Variants in ARHGAP29 observed in about 807,000 individuals in gnomAD.
ARHGAP29 encodes Rho GTPase activating protein 29.
A neutral mutation model predicts 122.6 loss-of-function variants in ARHGAP29; 43 were observed. That is an observed-to-expected ratio of 0.35 (90% CI 0.27 to 0.45). The LOEUF (loss-of-function observed/expected upper bound fraction) is 0.45. Ranked by LOEUF, ARHGAP29 falls within the 20% of genes least tolerant of loss-of-function variation. The probability of loss-of-function intolerance (pLI) is 1.00; values close to 1 mark genes in which losing one functional copy is unlikely to be tolerated. For synonymous variants in ARHGAP29, 506 were observed against 497.1 expected (o/e 1.02, Z -0.24); for missense variants, 1,303 against 1,477.2 (o/e 0.88, Z 1.93).
At chr1:94,177,796 C>T in intron 21 of ARHGAP29, 56 bp downstream of exon 21, 1 of 1,551,572 alleles carries the variant, frequency 6.4e-7, no homozygotes, top group Non-Finnish European at 8.7e-7. Flanking sequence ...AGATCTTTAA[C>T]TTATTAACAT....
chr1:94,215,679 GA>G (rs753882272), intron 3 of ARHGAP29, among the ~76,000 whole-genome samples: 4 of 151,986 alleles, frequency 2.6e-5, no homozygotes, highest in South Asian at 4.1e-4. Flanking sequence ...AAACATTCAA[GA>G]ATTCTATTAT....
intron 2 of ARHGAP29, among the ~76,000 whole-genome samples, chr1:94,221,919 A>C (rs575035377): frequency 6.6e-6 from 1 of 151,754 alleles, no homozygotes; most frequent in Admixed American, 6.6e-5. Flanking sequence ...CTGGGGCAGA[A>C]ATCTTCAAGA....
chr1:94,188,925 T>A lies in ARHGAP29; in HGVS notation c.1593A>T (p.Arg531Ser). 6.2e-7 allele frequency: 1 copy of A among 1,613,014 alleles called. No homozygotes were observed. Among genetic ancestry groups the A allele is most frequent in the Non-Finnish European group, 8.5e-7 (1 of 1,179,238 alleles). Reference protein sequence around the residue: ...SADITGPSFIRSWTFGMFSDS... With the variant: ...SADITGPSFISSWTFGMFSDS... ...CACTAAACATCCCAAATGTCCATGA[T>A]CTTATAAAGGAAGGACCTTTAATAA... Residue 531 changes from arginine to serine, a missense_variant, in exon 15 of 23, where the codon AGA becomes AGT. This residue lies in a region of ARHGAP29 where 592 missense variants were observed against 648.2 expected (regional missense o/e 0.91). Coordinates refer to ENST00000260526, the MANE Select transcript of ARHGAP29 (RefSeq NM_004815.4).
rs1392811941 is a variant in ARHGAP29, at chr1:94,234,601, CCTAT to C, written c.-33+2810_-33+2813del. The stretch of plus-strand genomic sequence containing the variant: ...CTTCTACATTTAAACTAGTTTCAAA[CCTAT>C]CTAACATTAATCCTTATATGCATAC... On this transcript the variant is annotated intron_variant, in intron 1 of 22. Coordinates refer to ENST00000260526, the MANE Select transcript of ARHGAP29 (RefSeq NM_004815.4). 5.3e-5 allele frequency among the ~76,000 whole-genome samples: 8 copies of C among 152,256 alleles called. 1 individual carries two copies. The highest frequency in any genetic ancestry group is 5.2e-4 in the Admixed American group (8 of 15,300).
At position 94,184,864 on chromosome 1, in the gene ARHGAP29, T is replaced by C. The variant is rs774274355; in HGVS notation, c.2109+8A>G. On this transcript the variant is annotated splice_region_variant and intron_variant, in intron 18 of 22. Coordinates refer to ENST00000260526, the MANE Select transcript of ARHGAP29 (RefSeq NM_004815.4). Reference sequence around the variant, plus strand: ...ATGCTTTTTAAAATTTTAAGAGTTATAATGTACCTGTAGACACAAAGCTCT... The same window carrying C: ...ATGCTTTTTAAAATTTTAAGAGTTACAATGTACCTGTAGACACAAAGCTCT... The C allele has an allele frequency of 5.3e-5, 83 of 1,563,014 alleles. No homozygotes were observed. Among genetic ancestry groups the C allele is most frequent in the Non-Finnish European group, 6.9e-5 (80 of 1,158,902 alleles).
At chr1:94,225,715 A>G (rs1652576949) in intron 2 of ARHGAP29, among the ~76,000 whole-genome samples, 1 of 152,110 alleles carries the variant, frequency 6.6e-6, no homozygotes, top group South Asian at 2.1e-4. Context: ...AACTAAATAC[A>G]AGATAATTTT....
intron 12 of ARHGAP29, chr1:94,192,308 A>G (rs1650176105): frequency 6.6e-6 from 1 of 152,198 alleles, no homozygotes; most frequent in Non-Finnish European, 1.5e-5. Flanking sequence ...ATCCAGTGAT[A>G]GGTCTACTCC....
chr1:94,179,884 T>C lies in ARHGAP29; in HGVS notation c.2321A>G (p.Asn774Ser). 2 of 1,613,272 alleles carry C rather than the reference T, an allele frequency of 1.2e-6. No individual in the cohort carries two copies. Among genetic ancestry groups the C allele is most frequent in the East Asian group, 2.2e-5 (1 of 44,726 alleles). ...ATTCTTTTTTGTCTCTTGTTCTTCA[T>C]TTACATGTTGGATCTCTTTTGCAAG... is the stretch of plus-strand genomic sequence containing the variant. ...IDLAKEIQHV[N>S]EEQETKKNSL... is the part of the protein sequence containing the mutation. The change falls in exon 20 of 23, where the codon AAT becomes AGT. Residue 774 changes from asparagine (N) to serine (S), a missense_variant. Physicochemically the swap from Asn to Ser is conservative, Grantham distance 46 (BLOSUM62 1). Coordinates refer to ENST00000260526, the MANE Select transcript of ARHGAP29 (RefSeq NM_004815.4).
At chr1:94,255,232 A>T (rs1654291380) in intron 1 of ARHGAP29, among the ~76,000 whole-genome samples, 1 of 152,196 alleles carries the variant, frequency 6.6e-6, no homozygotes, top group Non-Finnish European at 1.5e-5. Flanking sequence ...GGTGATTAGG[A>T]TGCCAACACA....
At chr1:94,248,865 G>A (rs1334704537) in intron 1 of ARHGAP29, among the ~76,000 whole-genome samples, 1 of 142,066 alleles carries the variant, frequency 7.0e-6, no homozygotes, top group Non-Finnish European at 1.5e-5. Flanking sequence ...ACCACACCCA[G>A]CTAGCTCTGT....
chr1:94,289,056 A>G, the ARHGAP29 span, among the ~76,000 whole-genome samples: 1 of 152,200 alleles, frequency 6.6e-6, no homozygotes, highest in Non-Finnish European at 1.5e-5. Flanking sequence ...TGGGGATAGT[A>G]TTGAATCTAT....
chr1:94,173,581 T>C lies in ARHGAP29; in HGVS notation c.*288A>G, dbSNP rs1648886897. The C allele has an allele frequency of 3.4e-6, 1 of 297,346 alleles. No homozygotes were observed. The highest frequency in any genetic ancestry group is 6.3e-6 in the Non-Finnish European group (1 of 158,878). 18.4% of individuals were successfully genotyped at this position (297,346 alleles called of 1,614,324 possible). On this transcript the variant is annotated 3_prime_UTR_variant, in exon 23 of 23. Transcript: ENST00000260526. Reference sequence around the variant, plus strand: ...TAGGGATGCATTCAAATGGACCATTTGGTGGGGAAAGTCAACTGAACTTTA... The same window carrying C: ...TAGGGATGCATTCAAATGGACCATTCGGTGGGGAAAGTCAACTGAACTTTA...
intron 1 of ARHGAP29, among the ~76,000 whole-genome samples, chr1:94,265,323 C>A (rs967915738): frequency 6.6e-6 from 1 of 152,240 alleles, no homozygotes; most frequent in East Asian, 1.9e-4. Flanking sequence ...GCTGCCCTGG[C>A]AGGCATGACC....
At chr1:94,233,818 T>C (rs1653084911) in intron 1 of ARHGAP29, among the ~76,000 whole-genome samples, 1 of 152,246 alleles carries the variant, frequency 6.6e-6, no homozygotes, top group Admixed American at 6.5e-5. Flanking sequence ...ATGTGAGTTT[T>C]TAAAAATTCC....
intron 1 of ARHGAP29, among the ~76,000 whole-genome samples, chr1:94,268,022 A>G (rs973935116): frequency 6.6e-6 from 1 of 152,126 alleles, no homozygotes; most frequent in Non-Finnish European, 1.5e-5. Flanking sequence ...AGCTCTCTTC[A>G]TTATTTTCAC....
At chr1:94,295,134 A>T in the ARHGAP29 span, among the ~76,000 whole-genome samples, 1 of 152,316 alleles carries the variant, frequency 6.6e-6, no homozygotes, top group South Asian at 2.1e-4. Context: ...AACTAGAAGG[A>T]TTGGAGTTAA....
chr1:94,311,367 C>G, the ARHGAP29 span, among the ~76,000 whole-genome samples: 1 of 151,950 alleles, frequency 6.6e-6, no homozygotes, highest in Non-Finnish European at 1.5e-5. Context: ...TCTTCTCTCC[C>G]TCTCTCTCTC....
intron 1 of ARHGAP29, among the ~76,000 whole-genome samples, chr1:94,235,240 C>G (rs546728879): frequency 1.3e-5 from 2 of 151,998 alleles, no homozygotes; most frequent in Non-Finnish European, 2.9e-5. Flanking sequence ...CAAACTTAAC[C>G]CAAGCTTTCA....
chr1:94,230,247 A>G (rs770942623), intron 2 of ARHGAP29, among the ~76,000 whole-genome samples: 4 of 151,788 alleles, frequency 2.6e-5, no homozygotes, highest in Non-Finnish European at 5.9e-5. Context: ...TACCATTATA[A>G]TACTTAATGT....
Sources: gnomAD v4.1 joint callset for allele counts (sites outside exome capture counted in the v4.1 genomes callset) on GRCh38, gnomAD v4.1.1 for gene constraint, gnomAD v4.1.1 regional missense constraint, MANE v1.5 for transcripts, NCBI Gene and HGNC (gene_info 2026-07-23, HGNC 2026-07-21) for gene names.